Variants in LRP2 observed in about 807,000 individuals in gnomAD.
LRP2 encodes the protein low-density lipoprotein receptor-related protein 2.
A neutral mutation model predicts 531.0 loss-of-function variants in LRP2; 172 were observed. That is an observed-to-expected ratio of 0.32 (90% CI 0.29 to 0.37). LRP2 has a LOEUF of 0.37. LRP2 is among the 10% of genes least tolerant of loss of function. LRP2 has a pLI of 1.00. For synonymous variants in LRP2, 1,992 were observed against 2,027.6 expected (o/e 0.98, Z 0.47); for missense variants, 5,167 against 5,868.3 (o/e 0.88, Z 3.90).
chr2:169,255,245 G>A (rs1001465561), intron 19 of LRP2, among the ~76,000 whole-genome samples: 1 of 152,150 alleles, frequency 6.6e-6, no homozygotes, highest in Non-Finnish European at 1.5e-5. Context: ...ATAGATTTCA[G>A]TGTCTCCTCA....
At chr2:169,188,870 T>G (rs1032388902) in intron 48 of LRP2, among the ~76,000 whole-genome samples, 7 of 152,228 alleles carry the variant, frequency 4.6e-5, no homozygotes, top group Non-Finnish European at 8.8e-5. Flanking sequence ...TCAGTCCTGT[T>G]CCTTCCATCT....
intron 1 of LRP2, among the ~76,000 whole-genome samples, chr2:169,345,818 T>C (rs1232856451): frequency 6.7e-6 from 1 of 149,992 alleles, no homozygotes; most frequent in Non-Finnish European, 1.5e-5. Context: ...ATGACTCTTG[T>C]CGTTCTTGTT....
At chr2:169,194,764 A>G (rs1687948916) in intron 46 of LRP2, among the ~76,000 whole-genome samples, 2 of 127,698 alleles carry the variant, frequency 1.6e-5, no homozygotes, top group Admixed American at 1.9e-4. Context: ...CTCTGTGGCC[A>G]GGCTGGAGTG....
intron 3 of LRP2, among the ~76,000 whole-genome samples, chr2:169,309,407 G>A (rs1212043681): frequency 6.6e-6 from 1 of 152,168 alleles, no homozygotes; most frequent in Admixed American, 6.5e-5. Context: ...TGTATAAGGT[G>A]TAAGGAAGGG....
Position 169,304,574 on chromosome 2 carries a change from G to C in LRP2, c.427+2707C>G, listed in dbSNP as rs10174058. ...CATTTGCCTAAATGAAGAACCTACT[G>C]TGTGCTTTACAAAGCACTGAAAGGA... On this transcript the variant is annotated intron_variant, in intron 4 of 78. Coordinates refer to ENST00000649046, the MANE Select transcript of LRP2 (RefSeq NM_004525.3). 5.9e-5 allele frequency among the ~76,000 whole-genome samples: 9 copies of C among 152,096 alleles called. No homozygotes were observed. In the East Asian group the frequency reaches 1.5e-3, roughly 26 times the overall value.
chr2:169,137,535 A>G (rs1372860807), intron 75 of LRP2, 42 bp from the exon 76 acceptor site: 2 of 1,136,758 alleles, frequency 1.8e-6, no homozygotes, highest in Non-Finnish European at 2.7e-6. Flanking sequence ...GAGAGAGAGA[A>G]ACAGAGAGAG....
chr2:169,202,908 G>A lies in LRP2; in HGVS notation c.8057C>T (p.Ala2686Val). 1.9e-6 allele frequency: 3 copies of A among 1,614,154 alleles called. No individual in the cohort carries two copies. The highest frequency in any genetic ancestry group is 2.5e-6 in the Non-Finnish European group (3 of 1,180,020). The change falls in exon 43 of 79, where the codon GCC (alanine) becomes GTC (valine). Residue 2686 changes from alanine (A) to valine (V), a missense_variant. By Grantham distance (64) the Ala-to-Val change is moderately conservative. Transcript: ENST00000649046. ...CACAATGCAGTGCTTCCTGTTGTTG[G>A]CCAAATACCAGTTGCCCTCATGTGG... ...QCPHEGNWYL[A>V]NNRKHCIVDN...
chr2:169,320,762 C>A lies in LRP2; in HGVS notation c.187+15G>T. ...TTACTCAAAATAGAACTTAGCCTGGCCCCTCCTCACTTACCGCAGCCAATT... is the reference window on the plus strand; with the variant it reads ...TTACTCAAAATAGAACTTAGCCTGGACCCTCCTCACTTACCGCAGCCAATT... On this transcript the variant is annotated intron_variant, in intron 2 of 78. Coordinates refer to ENST00000649046, the MANE Select transcript of LRP2 (RefSeq NM_004525.3). The A allele has an allele frequency of 6.2e-7, 1 of 1,602,874 alleles. No individual in the cohort carries two copies. Among genetic ancestry groups the A allele is most frequent in the African/African-American group, 1.3e-5 (1 of 74,822 alleles).
At chr2:169,159,648 C>T (rs1032407543) in intron 63 of LRP2, among the ~76,000 whole-genome samples, 1 of 152,012 alleles carries the variant, frequency 6.6e-6, no homozygotes, top group African/African-American at 2.4e-5. Context: ...TGATTTATTG[C>T]CATAAAATTT....
chr2:169,214,616 T>G (rs1036442735), intron 35 of LRP2, among the ~76,000 whole-genome samples: 1 of 152,174 alleles, frequency 6.6e-6, no homozygotes, highest in Non-Finnish European at 1.5e-5. Flanking sequence ...CTGATGAAAC[T>G]GATCAAAGTT....
At chr2:169,347,614 A>C (rs1051703389) in intron 1 of LRP2, among the ~76,000 whole-genome samples, 2 of 152,102 alleles carry the variant, frequency 1.3e-5, no homozygotes, top group Non-Finnish European at 2.9e-5. Flanking sequence ...GTTCCCAGAT[A>C]ATGAAATAGT....
At chr2:169,169,237 G>A (rs1394608839) in intron 60 of LRP2, among the ~76,000 whole-genome samples, 4 of 152,206 alleles carry the variant, frequency 2.6e-5, no homozygotes, top group Non-Finnish European at 5.9e-5. Context: ...CCCACCTGAG[G>A]AGAAATACCT....
At chr2:169,147,459 C>T (rs540795934) in intron 68 of LRP2, among the ~76,000 whole-genome samples, 1 of 152,204 alleles carries the variant, frequency 6.6e-6, no homozygotes, top group South Asian at 2.1e-4. Context: ...GGACTACAGG[C>T]ATGTGCCACC....
chr2:169,324,032 A>G (rs1302068564), intron 1 of LRP2, among the ~76,000 whole-genome samples: 1 of 152,182 alleles, frequency 6.6e-6, no homozygotes. Context: ...ATCAGAATAG[A>G]TGGTGCAAAG....
At chr2:169,209,425 T>C (rs751237231) in intron 38 of LRP2, 28 bp downstream of exon 38, 17 of 1,605,638 alleles carry the variant, frequency 1.1e-5, no homozygotes, top group Admixed American at 1.7e-5. Flanking sequence ...GATGCAAACA[T>C]ATTAAAATCA....
chr2:169,156,479 C>G, intron 64 of LRP2, 74 bp from the exon 65 acceptor site: 1 of 1,562,042 alleles, frequency 6.4e-7, no homozygotes, highest in Non-Finnish European at 8.8e-7. Context: ...TCTGTTTAAA[C>G]CCATATTCAC....
chr2:169,146,871 C>T lies in LRP2; in HGVS notation c.12679G>A (p.Asp4227Asn). ...GAAAGGCCAGTTGGCCAACCAAGGTCCTCGAAAACCAGGATGTTGCGGTCC... is the reference window on the plus strand; with the variant it reads ...GAAAGGCCAGTTGGCCAACCAAGGTTCTCGAAAACCAGGATGTTGCGGTCC... The part of the protein sequence containing the change: ...GEDRNILVFE[D>N]LGWPTGLSID... The change falls in exon 69 of 79, where the codon GAC (aspartate) becomes AAC (asparagine). Residue 4227 changes from aspartate (D) to asparagine (N), a missense_variant. Transcript: ENST00000649046. 1 of 1,614,134 alleles carries T rather than the reference C, an allele frequency of 6.2e-7. No homozygotes were observed. The highest frequency in any genetic ancestry group is 1.3e-5 in the African/African-American group (1 of 75,020).
intron 4 of LRP2, among the ~76,000 whole-genome samples, chr2:169,303,049 T>C (rs1393819031): frequency 6.6e-6 from 1 of 152,002 alleles, no homozygotes; most frequent in African/African-American, 2.4e-5. Context: ...AATTATACAA[T>C]GTCTAAGAAA....
chr2:169,206,489 G>A lies in LRP2; in HGVS notation c.7231C>T (p.Pro2411Ser), dbSNP rs1559015890. The stretch of plus-strand genomic sequence containing the variant: ...CTTTCCACATTTATTGTTTGGAAAG[G>A]TGGGCTATGGTTTTCAGGGTCCAAG... ...LHLDPENHSP[P>S]FQTINVERTV... is the part of the protein sequence containing the mutation. The change falls in exon 39 of 79, where the codon CCT (proline) becomes TCT (serine). Residue 2411 changes from proline to serine, a missense_variant. Physicochemically the swap from Pro to Ser is moderately conservative, Grantham distance 74. This residue lies in a region of LRP2 where 2,811 missense variants were observed against 3,058.0 expected (regional missense o/e 0.92). Transcript: ENST00000649046. 6.2e-7 allele frequency: 1 copy of A among 1,614,198 alleles called. No individual in the cohort carries two copies. Among genetic ancestry groups the A allele is most frequent in the Non-Finnish European group, 8.5e-7 (1 of 1,180,030 alleles).
Sources: gnomAD v4.1 joint callset for allele counts (sites outside exome capture counted in the v4.1 genomes callset) on GRCh38, gnomAD v4.1.1 for gene constraint, gnomAD v4.1.1 regional missense constraint, MANE v1.5 for transcripts, NCBI Gene and HGNC (gene_info 2026-07-23, HGNC 2026-07-21) for gene names.